ZNF71: variants seen among roughly 807,000 people sequenced by gnomAD.
The protein encoded by ZNF71 is endothelial zinc finger protein induced by tumor necrosis factor alpha.
A neutral mutation model predicts 6.7 loss-of-function variants in ZNF71; 3 were observed. That is an observed-to-expected ratio of 0.45 (90% CI 0.20 to 1.16). The LOEUF is 1.16. Ranked by LOEUF, ZNF71 falls within the 50% of genes most tolerant of loss-of-function variation. ZNF71 has a pLI of 0.25. For synonymous variants in ZNF71, 343 were observed against 311.1 expected (o/e 1.10, Z -1.08); for missense variants, 688 against 728.6 (o/e 0.94, Z 0.64).
chr19:56,603,850 G>T lies in ZNF71; in HGVS notation c.33+2259G>T, dbSNP rs985886276. Among the ~76,000 whole-genome samples, 140 of 80,932 alleles carry T rather than the reference G, an allele frequency of 1.7e-3. No individual in the cohort carries two copies. The highest frequency in any genetic ancestry group is 7.1e-3 in the African/African-American group (126 of 17,852). 53.1% of individuals were successfully genotyped at this position (80,932 alleles called of 152,430 possible). On this transcript the variant is annotated intron_variant, in intron 2 of 3. Transcript: ENST00000599599. This position sits in a 1 kb window ranked among gnomAD's most constrained non-coding sequence, Gnocchi z 4.6. The stretch of plus-strand genomic sequence containing the variant: ...TTTTTAAAAAAAATTGAGCCTGTCT[G>T]GTTTCAGCGTTTTCCCTGTGGTGAA...
chr19:56,595,771 G>T (rs916635066), intron 1 of ZNF71, among the ~76,000 whole-genome samples: 1 of 150,996 alleles, frequency 6.6e-6, no homozygotes, highest in African/African-American at 2.4e-5. Context: ...TGTCTGTGTG[G>T]GTCTGTATGT....
At chr19:56,612,830 T>A (rs1376199770) in intron 2 of ZNF71, among the ~76,000 whole-genome samples, 2 of 152,196 alleles carry the variant, frequency 1.3e-5, no homozygotes, top group African/African-American at 4.8e-5. Flanking sequence ...ACCAGTCCTG[T>A]TGGATTAGGG....
chr19:56,615,360 A>G (rs7250785), intron 3 of ZNF71, among the ~76,000 whole-genome samples: 48,836 of 152,058 alleles, frequency 0.32, 9,868 homozygotes, highest in East Asian at 0.67. Context: ...CACAAGCTTC[A>G]TTCTAATTGC....
Position 56,622,041 on chromosome 19 carries a change from A to G in ZNF71, c.934A>G (p.Ser312Gly). Residue 312 changes from serine to glycine, a missense_variant, in exon 4 of 4, where the codon AGC becomes GGC. Physicochemically the swap from Ser to Gly is moderately conservative, Grantham distance 56. Coordinates refer to ENST00000599599, the MANE Select transcript of ZNF71 (RefSeq NM_001370215.1). ...GTGCGGGGACTGCGGCAAGGCCTTCAGCCAGAACATGCACCTCATCGTGCA... is the reference window on the plus strand; with the variant it reads ...GTGCGGGGACTGCGGCAAGGCCTTCGGCCAGAACATGCACCTCATCGTGCA... ...YACGDCGKAF[S>G]QNMHLIVHQR... 1 of 1,613,048 alleles carries G rather than the reference A, an allele frequency of 6.2e-7. No individual in the cohort carries two copies. Among genetic ancestry groups the G allele is most frequent in the South Asian group, 1.1e-5 (1 of 90,940 alleles).
At chr19:56,616,985 T>G (rs574456910) in intron 3 of ZNF71, among the ~76,000 whole-genome samples, 1 of 152,326 alleles carries the variant, frequency 6.6e-6, no homozygotes, top group African/African-American at 2.4e-5. Flanking sequence ...ATACTCTGTC[T>G]TGGACAAAAG....
intron 2 of ZNF71, among the ~76,000 whole-genome samples, chr19:56,612,557 G>C (rs1173968991): frequency 1.3e-5 from 2 of 152,140 alleles, no homozygotes; most frequent in African/African-American, 2.4e-5. Context: ...TCTCACTTAT[G>C]AGTGGGAGCT....
intron 2 of ZNF71, among the ~76,000 whole-genome samples, chr19:56,606,084 A>C (rs1410634882): frequency 6.6e-6 from 1 of 152,210 alleles, no homozygotes; most frequent in Non-Finnish European, 1.5e-5. Flanking sequence ...TGGTGTGTGC[A>C]GTGGGCTTAG....
chr19:56,598,632 G>A lies in ZNF71; in HGVS notation c.-52-2875G>A, dbSNP rs181788434. Among the ~76,000 whole-genome samples the A allele has an allele frequency of 9.9e-5, 15 of 152,214 alleles. No homozygotes were observed. The highest frequency in any genetic ancestry group is 5.8e-4 in the East Asian group (3 of 5,176). On this transcript the variant is annotated intron_variant, in intron 1 of 3. Transcript: ENST00000599599. This position sits in a 1 kb window ranked among gnomAD's most constrained non-coding sequence, Gnocchi z 4.2. The stretch of plus-strand genomic sequence containing the variant: ...CATTCTTTGTTGTGGGGCCTGTCGC[G>A]TGCATCGTACAGTGTGTAGCAGCAT...
Position 56,615,417 on chromosome 19 carries a change from C to T in ZNF71, c.160+1479C>T, listed in dbSNP as rs73937517. On this transcript the variant is annotated intron_variant, in intron 3 of 3. Coordinates refer to ENST00000599599, the MANE Select transcript of ZNF71 (RefSeq NM_001370215.1). Reference sequence around the variant, plus strand: ...CCCTTGTAGGTGTGTGGTCTCATCACTGTGCTTTTCATTTGATACTGACAC... The same window carrying T: ...CCCTTGTAGGTGTGTGGTCTCATCATTGTGCTTTTCATTTGATACTGACAC... 3.5e-3 allele frequency among the ~76,000 whole-genome samples: 532 copies of T among 152,280 alleles called. 3 individuals carry two copies. Among genetic ancestry groups the T allele is most frequent in the African/African-American group, 0.012 (501 of 41,548 alleles).
At position 56,622,177 on chromosome 19, in the gene ZNF71, C is replaced by T. The variant is rs2148022516; in HGVS notation, c.1070C>T (p.Pro357Leu). 2 of 1,613,898 alleles carry T rather than the reference C, an allele frequency of 1.2e-6. No homozygotes were observed. Among genetic ancestry groups the T allele is most frequent in the Non-Finnish European group, 1.7e-6 (2 of 1,179,918 alleles). ...EHQRTHTGEK[P>L]YACKECGKAF... ...CAGCGCACGCACACCGGGGAGAAGC[C>T]GTACGCCTGCAAGGAGTGCGGCAAG... The change falls in exon 4 of 4, where the codon CCG (proline) becomes CTG (leucine). Residue 357 changes from proline (P) to leucine (L), a missense_variant. Physicochemically the swap from Pro to Leu is moderately conservative, Grantham distance 98 (BLOSUM62 -3). Transcript: ENST00000599599.
rs1160747770 is a variant in ZNF71 at position 56,621,567 on chromosome 19, G to T, written c.460G>T (p.Asp154Tyr). 1 of 1,614,222 alleles carries T rather than the reference G, an allele frequency of 6.2e-7. No homozygotes were observed. The highest frequency in any genetic ancestry group is 2.2e-5 in the East Asian group (1 of 44,886). Reference sequence around the variant, plus strand: ...CTGTGTCCTGGTCCCACCACGGCTGGACGACCCCACAGAAAAGGGGGCCTG... The same window carrying T: ...CTGTGTCCTGGTCCCACCACGGCTGTACGACCCCACAGAAAAGGGGGCCTG... ...QGCVLVPPRL[D>Y]DPTEKGACPP... Residue 154 changes from aspartate to tyrosine, a missense_variant, in exon 4 of 4, where the codon GAC (aspartate) becomes TAC (tyrosine). Asp to Tyr is a radical substitution (Grantham distance 160, BLOSUM62 -3). Coordinates refer to ENST00000599599, the MANE Select transcript of ZNF71 (RefSeq NM_001370215.1).
At chr19:56,610,051 C>T (rs574441116) in intron 2 of ZNF71, 1 of 152,340 alleles carries the variant, frequency 6.6e-6, no homozygotes, top group South Asian at 2.1e-4. Context: ...ACATTTGAGT[C>T]GTTTCCACTT....
intron 1 of ZNF71, among the ~76,000 whole-genome samples, chr19:56,596,194 T>C (rs73934479): frequency 0.23 from 34,678 of 151,994 alleles, 4,148 homozygotes; most frequent in East Asian, 0.33. Context: ...GTCTGCTCTT[T>C]CCATGCATGT....
chr19:56,622,717 G>T lies in ZNF71; in HGVS notation c.1610G>T (p.Arg537Leu), dbSNP rs1310433600. The change falls in exon 4 of 4, where the codon CGC (arginine) becomes CTC (leucine). Residue 537 changes from arginine to leucine, a missense_variant. Arg to Leu is a moderately radical substitution (Grantham distance 102, BLOSUM62 -2). Coordinates refer to ENST00000599599, the MANE Select transcript of ZNF71 (RefSeq NM_001370215.1). ...GGCGAGTGCGGGAAGACCTTCAGCC[G>T]CAACACGAACCTGACGCGCCACCTG... ...RCGECGKTFS[R>L]NTNLTRHLRI... 6.2e-7 allele frequency: 1 copy of T among 1,611,134 alleles called. No individual in the cohort carries two copies. The highest frequency in any genetic ancestry group is 8.5e-7 in the Non-Finnish European group (1 of 1,178,232).
chr19:56,615,848 T>A (rs2044787115), intron 3 of ZNF71, among the ~76,000 whole-genome samples: 1 of 152,226 alleles, frequency 6.6e-6, no homozygotes, highest in African/African-American at 2.4e-5. Flanking sequence ...TTTGGTGGTA[T>A]ATCTAAACAA....
rs148853208 is a variant in ZNF71, at chr19:56,615,341, C to T, written c.160+1403C>T. The stretch of plus-strand genomic sequence containing the variant: ...GTGATTGTACTATTTCACATTTCCA[C>T]CAGCAGCGCACAAGCTTCATTCTAA... On this transcript the variant is annotated intron_variant, in intron 3 of 3. Coordinates refer to ENST00000599599, the MANE Select transcript of ZNF71 (RefSeq NM_001370215.1). Among the ~76,000 whole-genome samples the T allele has an allele frequency of 1.1e-3, 172 of 152,310 alleles. 1 individual carries two copies. The highest frequency in any genetic ancestry group is 3.9e-3 in the African/African-American group (164 of 41,560).
rs1250161319 is a variant in ZNF71 at position 56,622,943 on chromosome 19, A to G, written c.*186A>G. ...GCCCCCTCCTTACTGAGCCTCAGAA[A>G]GCAAGCCCCTCGGTGTCTGACGTAT... On this transcript the variant is annotated 3_prime_UTR_variant, in exon 4 of 4. Coordinates refer to ENST00000599599, the MANE Select transcript of ZNF71 (RefSeq NM_001370215.1). 23 of 764,966 alleles carry G rather than the reference A, an allele frequency of 3.0e-5. No homozygotes were observed. The highest frequency in any genetic ancestry group is 4.8e-5 in the Non-Finnish European group (23 of 478,040). The allele number at this position is 764,966 out of a possible 1,614,324, so 47.4% of individuals were successfully genotyped here.
intron 1 of ZNF71, among the ~76,000 whole-genome samples, chr19:56,596,873 G>A (rs1480819195): frequency 6.6e-6 from 1 of 152,124 alleles, no homozygotes; most frequent in Admixed American, 6.5e-5. Flanking sequence ...GGGAATCCCC[G>A]CTTGGAAACA....
rs757536633 is a variant in ZNF71 at position 56,622,430 on chromosome 19, C to CT, written c.1324dup (p.Tyr442LeufsTer160). 18 of 1,612,998 alleles carry CT rather than the reference C, an allele frequency of 1.1e-5. 1 individual carries two copies. In the East Asian group the frequency reaches 4.0e-4, roughly 36 times the overall value. ...AGCGCATCCACACCGGCGAGAAGCC[C>CT]TACGAGTGCTACATCTGCAAGAAGC... On this transcript the variant is annotated frameshift_variant, in exon 4 of 4. Coordinates refer to ENST00000599599, the MANE Select transcript of ZNF71 (RefSeq NM_001370215.1). LOFTEE classifies it low-confidence loss of function (END_TRUNC).
Sources: gnomAD v4.1 joint callset for allele counts (sites outside exome capture counted in the v4.1 genomes callset) on GRCh38, gnomAD v4.1.1 for gene constraint, Gnocchi (gnomAD v3.1) non-coding constraint, MANE v1.5 for transcripts, NCBI Gene and HGNC (gene_info 2026-07-23, HGNC 2026-07-21) for gene names.